RFX4: variants seen among roughly 807,000 people sequenced by gnomAD.
RFX4 encodes regulatory factor X4, also known as transcription factor RFX4.
In RFX4, 10 loss-of-function variants were observed where a neutral mutation model predicts 95.0. The observed-to-expected ratio is 0.11, with a 90% CI of 0.06 to 0.18. The LOEUF is 0.18. Ranked by LOEUF, RFX4 falls within the 10% of genes least tolerant of loss-of-function variation. RFX4 has a pLI of 1.00. For synonymous variants in RFX4, 321 were observed against 340.7 expected (o/e 0.94, Z 0.64); for missense variants, 640 against 922.0 (o/e 0.69, Z 3.96).
At chr12:106,673,922 G>A (rs1322210775) in intron 4 of RFX4, among the ~76,000 whole-genome samples, 4 of 152,130 alleles carry the variant, frequency 2.6e-5, no homozygotes, top group Admixed American at 2.0e-4. Context: ...CCCTAAGTCA[G>A]TTCTCCACAC....
At chr12:106,687,180 TCTCACACACACA>T (rs1214723045) in intron 6 of RFX4, 83 bp downstream of exon 6, 130 of 680,834 alleles carry the variant, frequency 1.9e-4, no homozygotes, top group African/African-American at 2.7e-4. Context: ...TCTCTCTCTC[TCTCACACACACA>T]CACACACACA....
intron 8 of RFX4, among the ~76,000 whole-genome samples, chr12:106,698,054 C>A (rs1483339069): frequency 6.6e-6 from 1 of 151,602 alleles, no homozygotes; most frequent in African/African-American, 2.4e-5. Context: ...CTCACTACAA[C>A]CTCTGCCTCC....
At chr12:106,641,311 C>T (rs1425230059) in intron 3 of RFX4, among the ~76,000 whole-genome samples, 1 of 152,204 alleles carries the variant, frequency 6.6e-6, no homozygotes, top group East Asian at 1.9e-4. Flanking sequence ...GGTCCTTAAC[C>T]TCTCTGTGCT....
At chr12:106,637,960 T>G (rs996799013) in intron 2 of RFX4, among the ~76,000 whole-genome samples, 2 of 152,144 alleles carry the variant, frequency 1.3e-5, no homozygotes, top group African/African-American at 4.8e-5. Context: ...AATTTAATTC[T>G]TCTTATTAAT....
At chr12:106,665,684 C>T (rs1024769407) in intron 4 of RFX4, among the ~76,000 whole-genome samples, 2 of 151,738 alleles carry the variant, frequency 1.3e-5, no homozygotes, top group Non-Finnish European at 2.9e-5. Flanking sequence ...TTTTAAATGG[C>T]CTTCCTATAA....
At chr12:106,690,270 T>C (rs2041751932) in intron 7 of RFX4, among the ~76,000 whole-genome samples, 1 of 152,206 alleles carries the variant, frequency 6.6e-6, no homozygotes, top group Non-Finnish European at 1.5e-5. Flanking sequence ...AGAAGTACTG[T>C]TCTTCCTTCT....
chr12:106,749,189 G>A (rs1234060466), intron 16 of RFX4, among the ~76,000 whole-genome samples: 1 of 151,454 alleles, frequency 6.6e-6, no homozygotes, highest in Admixed American at 6.6e-5. Flanking sequence ...CCAGGAGGCG[G>A]AGGTTGCAGT....
intron 1 of RFX4, among the ~76,000 whole-genome samples, chr12:106,585,178 C>A (rs2137157209): frequency 6.6e-6 from 1 of 152,368 alleles, no homozygotes; most frequent in East Asian, 1.9e-4. Context: ...CCCAAACCTG[C>A]AGTGGCCCTG....
intron 2 of RFX4, among the ~76,000 whole-genome samples, chr12:106,613,745 G>T (rs896730327): frequency 1.3e-5 from 2 of 152,256 alleles, no homozygotes; most frequent in East Asian, 3.9e-4. Flanking sequence ...TCATGATAAT[G>T]CTGGCCTCAT....
intron 4 of RFX4, among the ~76,000 whole-genome samples, chr12:106,666,586 G>T (rs918868975): frequency 6.6e-6 from 1 of 151,940 alleles, no homozygotes; most frequent in Non-Finnish European, 1.5e-5. Context: ...GTCCTTGGAT[G>T]TTCTGTTCGG....
At chr12:106,680,242 A>G (rs1369377486) in intron 4 of RFX4, among the ~76,000 whole-genome samples, 4 of 152,160 alleles carry the variant, frequency 2.6e-5, no homozygotes, top group African/African-American at 9.7e-5. Flanking sequence ...TCCATTCTCC[A>G]CACTGGAGGT....
At chr12:106,721,308 GT>G (rs1255089373) in intron 13 of RFX4, among the ~76,000 whole-genome samples, 1 of 152,166 alleles carries the variant, frequency 6.6e-6, no homozygotes, top group Non-Finnish European at 1.5e-5. Flanking sequence ...ATGACCTTAA[GT>G]TTTCTTTAAA....
intron 8 of RFX4, among the ~76,000 whole-genome samples, chr12:106,697,932 T>G (rs1310394580): frequency 1.3e-5 from 2 of 151,988 alleles, no homozygotes; most frequent in Non-Finnish European, 1.5e-5. Context: ...TCTGGTTGAA[T>G]GTGTGTGTGT....
In RFX4 at chr12:106,689,287, G is replaced by A; in HGVS notation, c.592G>A (p.Val198Ile). The A allele has an allele frequency of 6.2e-7, 1 of 1,612,164 alleles. No homozygotes were observed. The highest frequency in any genetic ancestry group is 8.5e-7 in the Non-Finnish European group (1 of 1,178,288). ...NLPASLPEEKVSTFIMMYRTH... is the reference protein window; with the variant it reads ...NLPASLPEEKISTFIMMYRTH... ...GTTGATCCTCTACACACCCCCACAGGTTTCTACCTTTATTATGATGTACAG... is the reference window on the plus strand; with the variant it reads ...GTTGATCCTCTACACACCCCCACAGATTTCTACCTTTATTATGATGTACAG... The change falls in exon 7 of 18, where the codon GTT becomes ATT. Residue 198 changes from valine to isoleucine, a missense_variant and splice_region_variant. By Grantham distance (29) the Val-to-Ile change is conservative (BLOSUM62 3). Transcript: ENST00000392842.
intron 2 of RFX4, among the ~76,000 whole-genome samples, chr12:106,634,786 A>G (rs2040479546): frequency 6.6e-6 from 1 of 152,084 alleles, no homozygotes; most frequent in Non-Finnish European, 1.5e-5. Context: ...CAGCTCACCT[A>G]TCACTTCTTC....
chr12:106,744,308 T>C (rs974407595), intron 15 of RFX4, among the ~76,000 whole-genome samples: 1 of 152,182 alleles, frequency 6.6e-6, no homozygotes, highest in Non-Finnish European at 1.5e-5. Context: ...CTTTCAGCTG[T>C]GCTGGTGAGT....
chr12:106,684,986 C>T, intron 5 of RFX4: 1 of 1,591,118 alleles, frequency 6.3e-7, no homozygotes, highest in African/African-American at 1.3e-5. Context: ...AAAGCCCTTC[C>T]CATAATTCAA....
At chr12:106,623,743 C>T (rs2040233459) in intron 2 of RFX4, among the ~76,000 whole-genome samples, 1 of 152,180 alleles carries the variant, frequency 6.6e-6, no homozygotes. Context: ...CAAGATCATG[C>T]CACTGCACAC....
chr12:106,699,700 TACTC>T (rs907063206), intron 8 of RFX4, among the ~76,000 whole-genome samples: 3 of 152,176 alleles, frequency 2.0e-5, no homozygotes, highest in African/African-American at 7.2e-5. Context: ...GTAATATAGC[TACTC>T]CAGGTTTTTT....
Sources: allele counts gnomAD v4.1 joint callset (sites outside exome capture counted in the v4.1 genomes callset), GRCh38; gene constraint gnomAD v4.1.1; transcripts MANE v1.5; gene names NCBI Gene and HGNC (gene_info 2026-07-23, HGNC 2026-07-21).